The following ALMS1 variants were observed in gnomAD, a reference collection of about 807,000 sequenced individuals.
ALMS1 encodes ALMS1 centrosome and basal body associated protein, also known as centrosome-associated protein ALMS1.
A neutral mutation model predicts 352.2 loss-of-function variants in ALMS1; 271 were observed. That is an observed-to-expected ratio of 0.77 (90% CI 0.70 to 0.85). The LOEUF is 0.85. Ranked by LOEUF, ALMS1 falls within the 40% of genes least tolerant of loss-of-function variation. ALMS1 has a pLI of 0.00. For synonymous variants in ALMS1, 1,865 were observed against 1,761.2 expected (o/e 1.06, Z -1.48); for missense variants, 5,445 against 4,870.7 (o/e 1.12, Z -3.51).
chr2:73,500,224 C>G (rs771465544), intron 10 of ALMS1, among the ~76,000 whole-genome samples: 16 of 152,088 alleles, frequency 1.1e-4, no homozygotes, highest in Non-Finnish European at 2.2e-4. Flanking sequence ...AGACAATGAC[C>G]CAACTAGTTT....
At chr2:73,589,885 G>A (rs1675388211) in intron 16 of ALMS1, among the ~76,000 whole-genome samples, 1 of 152,068 alleles carries the variant, frequency 6.6e-6, no homozygotes, top group African/African-American at 2.4e-5. Flanking sequence ...TGGCTTACAG[G>A]CTCGTATACT....
chr2:73,453,969 C>T lies in ALMS1; in HGVS notation c.7442C>T (p.Ala2481Val). Residue 2481 changes from alanine (A) to valine (V), a missense_variant, in exon 8 of 23, where the codon GCA becomes GTA. Physicochemically the swap from Ala to Val is moderately conservative, Grantham distance 64. Transcript: ENST00000613296. ...GGTAGCAGTGTAGATTCACTGGCTG[C>T]ACATGTGAAAAACCTTCTGCAATGT... ...GGGSSVDSLA[A>V]HVKNLLQCES... 6.2e-7 allele frequency: 1 copy of T among 1,613,412 alleles called. No individual in the cohort carries two copies. Among genetic ancestry groups the T allele is most frequent in the East Asian group, 2.2e-5 (1 of 44,800 alleles).
rs1314193045 is a variant in ALMS1 at position 73,572,251 on chromosome 2, C to A, written c.10385-11C>A. On this transcript the variant is annotated splice_polypyrimidine_tract_variant and intron_variant, in intron 15 of 22. Coordinates refer to ENST00000613296, the MANE Select transcript of ALMS1 (RefSeq NM_001378454.1). ...TTAAGTTCTTTCAAAATCTTTTTTTCTCCTTTTCAGAGTCCGAATGTCATT... is the reference window on the plus strand; with the variant it reads ...TTAAGTTCTTTCAAAATCTTTTTTTATCCTTTTCAGAGTCCGAATGTCATT... 2 of 1,598,956 alleles carry A rather than the reference C, an allele frequency of 1.3e-6. No individual in the cohort carries two copies. The highest frequency in any genetic ancestry group is 1.7e-6 in the Non-Finnish European group (2 of 1,175,642).
chr2:73,405,820 T>A (rs1376939768), intron 1 of ALMS1, among the ~76,000 whole-genome samples: 1 of 152,218 alleles, frequency 6.6e-6, no homozygotes, highest in East Asian at 1.9e-4. Flanking sequence ...ACCCATTGTC[T>A]TTTTAAGAGT....
intron 10 of ALMS1, among the ~76,000 whole-genome samples, chr2:73,515,781 A>ACACG (rs1333247801): frequency 1.3e-5 from 2 of 151,096 alleles, no homozygotes; most frequent in African/African-American, 4.9e-5. Flanking sequence ...ACACACACAC[A>ACACG]CACACACACA....
At chr2:73,512,587 A>G (rs1208724065) in intron 10 of ALMS1, among the ~76,000 whole-genome samples, 1 of 152,102 alleles carries the variant, frequency 6.6e-6, no homozygotes, top group Non-Finnish European at 1.5e-5. Context: ...GAATCTTTAT[A>G]TATTCTGGAT....
intron 14 of ALMS1, among the ~76,000 whole-genome samples, chr2:73,558,446 T>A (rs1674589539): frequency 6.6e-6 from 1 of 152,232 alleles, no homozygotes; most frequent in Non-Finnish European, 1.5e-5. Flanking sequence ...AACTTTAGTG[T>A]TTCATTGCCT....
intron 2 of ALMS1, among the ~76,000 whole-genome samples, chr2:73,409,466 A>G (rs904284383): frequency 6.6e-6 from 1 of 152,152 alleles, no homozygotes; most frequent in Non-Finnish European, 1.5e-5. Context: ...GTTTATGTGG[A>G]TTATCTATAT....
intron 9 of ALMS1, among the ~76,000 whole-genome samples, chr2:73,476,485 A>T (rs1672585409): frequency 6.6e-6 from 1 of 152,052 alleles, no homozygotes. Flanking sequence ...ACTGTTTTCC[A>T]TAAGGGCTAC....
intron 16 of ALMS1, among the ~76,000 whole-genome samples, chr2:73,578,785 A>G (rs1675108031): frequency 6.6e-6 from 1 of 152,122 alleles, no homozygotes; most frequent in Non-Finnish European, 1.5e-5. Context: ...TATTTTATGC[A>G]TTCGTTTTTT....
chr2:73,525,352 T>C (rs1477998771), intron 11 of ALMS1, among the ~76,000 whole-genome samples: 1 of 152,234 alleles, frequency 6.6e-6, no homozygotes, highest in Non-Finnish European at 1.5e-5. Flanking sequence ...ATCTACAAAC[T>C]AACTGTTCTC....
intron 9 of ALMS1, among the ~76,000 whole-genome samples, chr2:73,473,803 A>G (rs780394): frequency 0.51 from 77,200 of 151,946 alleles, 22,581 homozygotes; most frequent in East Asian, 0.77. Flanking sequence ...GAACTTGAAG[A>G]AAGGTCAGAT....
chr2:73,394,899 G>A (rs897123751), intron 1 of ALMS1, among the ~76,000 whole-genome samples: 3 of 151,314 alleles, frequency 2.0e-5, no homozygotes. Flanking sequence ...TTGTAACACT[G>A]TGGTAAGTAT....
intron 7 of ALMS1, among the ~76,000 whole-genome samples, chr2:73,438,353 A>G (rs893371288): frequency 1.3e-5 from 2 of 152,230 alleles, no homozygotes; most frequent in African/African-American, 4.8e-5. Flanking sequence ...CCAAAGTATG[A>G]GTCAAGATAA....
intron 16 of ALMS1, among the ~76,000 whole-genome samples, chr2:73,595,241 C>T (rs1675521294): frequency 6.6e-6 from 1 of 152,146 alleles, no homozygotes; most frequent in Non-Finnish European, 1.5e-5. Context: ...AGTAAATTTA[C>T]AGAGTTTTGC....
Position 73,448,179 on chromosome 2 carries a change from C to G in ALMS1, c.1652C>G (p.Thr551Ser). The G allele has an allele frequency of 6.2e-7, 1 of 1,614,054 alleles. No individual in the cohort carries two copies. The highest frequency in any genetic ancestry group is 1.1e-5 in the South Asian group (1 of 91,082). The change falls in exon 8 of 23, where the codon ACT becomes AGT. Residue 551 changes from threonine (T) to serine (S), a missense_variant. Thr to Ser is a moderately conservative substitution (Grantham distance 58). Transcript: ENST00000613296. Reference sequence around the variant, plus strand: ...GCAGATACTCATCTAACTGAAGAGACTCTGAAAGTCACAGCTATTCCTGAA... The same window carrying G: ...GCAGATACTCATCTAACTGAAGAGAGTCTGAAAGTCACAGCTATTCCTGAA... ...TLADTHLTEE[T>S]LKVTAIPEPA...
intron 10 of ALMS1, among the ~76,000 whole-genome samples, chr2:73,505,532 C>T (rs909343674): frequency 1.3e-5 from 2 of 152,268 alleles, no homozygotes; most frequent in African/African-American, 4.8e-5. Flanking sequence ...TGAAAAGTGT[C>T]TGTTTATATC....
intron 10 of ALMS1, among the ~76,000 whole-genome samples, chr2:73,513,388 C>T (rs1673492035): frequency 6.6e-6 from 1 of 152,168 alleles, no homozygotes; most frequent in Non-Finnish European, 1.5e-5. Flanking sequence ...TGCATAGGCT[C>T]ATGACACCTC....
intron 12 of ALMS1, among the ~76,000 whole-genome samples, chr2:73,545,181 G>A: frequency 7.1e-6 from 1 of 139,900 alleles, no homozygotes; most frequent in Middle Eastern, 3.8e-3. Flanking sequence ...ATTTTTTGTG[G>A]TTTTTTTTTT....
Sources: allele counts gnomAD v4.1 joint callset (sites outside exome capture counted in the v4.1 genomes callset), GRCh38; gene constraint gnomAD v4.1.1; transcripts MANE v1.5; gene names NCBI Gene and HGNC (gene_info 2026-07-23, HGNC 2026-07-21).